The following PADI1 variants were observed in gnomAD, a reference collection of about 807,000 sequenced individuals.
PADI1 encodes protein-arginine deiminase type-1.
A neutral mutation model predicts 74.8 loss-of-function variants in PADI1; 65 were observed. The observed-to-expected ratio is 0.87, with a 90% CI of 0.71 to 1.07. PADI1 has a LOEUF of 1.07. Among genes scored for constraint, PADI1 ranks in the 50% least tolerant of loss-of-function variants. PADI1 has a pLI of 0.00. For missense variants in PADI1, 943 were observed against 854.0 expected, an observed-to-expected ratio of 1.10 and a Z score of -1.30; for synonymous variants, 371 against 336.2, an observed-to-expected ratio of 1.10 and a Z score of -1.13.
chr1:17,238,900 G>A (rs2072714742), intron 13 of PADI1, among the ~76,000 whole-genome samples, 191 bp downstream of exon 13: 1 of 152,198 alleles, frequency 6.6e-6, no homozygotes, highest in Non-Finnish European at 1.5e-5. Context: ...GAAAGGCACA[G>A]GAAGTCATGA....
chr1:17,234,152 C>G (rs865885627), intron 11 of PADI1, among the ~76,000 whole-genome samples: 5 of 152,292 alleles, frequency 3.3e-5, no homozygotes, highest in African/African-American at 1.2e-4. Flanking sequence ...TGGGATGAGT[C>G]CCCCAAACCA....
chr1:17,241,469 T>C (rs1281853595), intron 15 of PADI1, among the ~76,000 whole-genome samples: 1 of 151,544 alleles, frequency 6.6e-6, no homozygotes, highest in Non-Finnish European at 1.5e-5. Context: ...GAAGTGAATG[T>C]CGGAATCGGG....
At chr1:17,231,017 T>G (rs768489765) in intron 10 of PADI1, among the ~76,000 whole-genome samples, 4 of 152,126 alleles carry the variant, frequency 2.6e-5, no homozygotes, top group African/African-American at 9.7e-5. Context: ...TTGGAGAGAA[T>G]GCACCCTTAG....
At chr1:17,232,217 A>T (rs760700804) in intron 10 of PADI1, among the ~76,000 whole-genome samples, 2 of 151,830 alleles carry the variant, frequency 1.3e-5, no homozygotes, top group Non-Finnish European at 2.9e-5. Context: ...AAGTGCTGGG[A>T]TTACAGGTGT....
chr1:17,220,095 T>C (rs11589046), intron 1 of PADI1, among the ~76,000 whole-genome samples: 55,125 of 151,520 alleles, frequency 0.36, 10,514 homozygotes, highest in Middle Eastern at 0.48. Context: ...CCAAAAGTGC[T>C]GTGGAATGTG....
Position 17,232,985 on chromosome 1 carries a change from C to T in PADI1, c.1313+15C>T, listed in dbSNP as rs551773186. ...AGCTTCCCCAAGTGAGGGGCTGGGG[C>T]GGGAGGTGGGGAGGCACAAGGGAAT... is the stretch of plus-strand genomic sequence containing the variant. On this transcript the variant is annotated intron_variant, in intron 11 of 15. Transcript: ENST00000375471. 4.2e-5 allele frequency: 66 copies of T among 1,586,588 alleles called. No homozygotes were observed. The highest frequency in any genetic ancestry group is 2.4e-4 in the South Asian group (21 of 88,154).
At chr1:17,231,965 G>T (rs1203395718) in intron 10 of PADI1, among the ~76,000 whole-genome samples, 2 of 151,818 alleles carry the variant, frequency 1.3e-5, no homozygotes, top group Non-Finnish European at 2.9e-5. Context: ...TTGAGAAGGA[G>T]TCTCACACTG....
At chr1:17,211,458 C>T (rs939074935) in intron 1 of PADI1, among the ~76,000 whole-genome samples, 5 of 152,136 alleles carry the variant, frequency 3.3e-5, no homozygotes, top group African/African-American at 9.7e-5. Context: ...CATGCCCAGC[C>T]GGCAGCCCTG....
At chr1:17,218,911 T>A (rs2072055173) in intron 1 of PADI1, among the ~76,000 whole-genome samples, 1 of 151,692 alleles carries the variant, frequency 6.6e-6, no homozygotes, top group Non-Finnish European at 1.5e-5. Flanking sequence ...GGCTGGGAGA[T>A]GAGGTGGTGG....
chr1:17,241,512 C>T (rs1195425546), intron 15 of PADI1, among the ~76,000 whole-genome samples: 1 of 143,580 alleles, frequency 7.0e-6, no homozygotes, highest in Non-Finnish European at 1.5e-5. Context: ...AAGTCGGAAT[C>T]GGGATGGAAT....
rs770007404 is a variant in PADI1 at position 17,226,208 on chromosome 1, C to A, written c.652+50C>A. The A allele has an allele frequency of 3.2e-6, 5 of 1,585,480 alleles. No homozygotes were observed. The African/African-American group carries it at 6.8e-5, about 21-fold the overall frequency. On this transcript the variant is annotated intron_variant, in intron 6 of 15. Transcript: ENST00000375471. The stretch of plus-strand genomic sequence containing the variant: ...CCTCCCAGCTCCATCCATATCTATC[C>A]TCTCCTCCCCCATCTCTCTCTCTTT...
rs767101369 is a variant in PADI1 at position 17,230,215 on chromosome 1, G to C, written c.1053+7G>C. ...AAATGACCGCTGGATCCAGGTGGGA[G>C]CTGGGGGCAGCTCGGGAAGCCTGCA... On this transcript the variant is annotated splice_region_variant and intron_variant, in intron 9 of 15. Coordinates refer to ENST00000375471, the MANE Select transcript of PADI1 (RefSeq NM_013358.3). 1 of 1,612,258 alleles carries C rather than the reference G, an allele frequency of 6.2e-7. No homozygotes were observed. Among genetic ancestry groups the C allele is most frequent in the Non-Finnish European group, 8.5e-7 (1 of 1,179,080 alleles).
chr1:17,205,783 C>G (rs978033328), intron 1 of PADI1, among the ~76,000 whole-genome samples: 6 of 152,236 alleles, frequency 3.9e-5, no homozygotes, highest in East Asian at 1.9e-4. Flanking sequence ...TGATTCCAAT[C>G]AGGAGGGAGT....
chr1:17,244,028 G>A lies in PADI1; in HGVS notation c.1777G>A (p.Gly593Ser), dbSNP rs1400087035. Residue 593 changes from glycine (G) to serine (S), a missense_variant, in exon 16 of 16, where the codon GGC (glycine) becomes AGC (serine). Gly to Ser is a moderately conservative substitution (Grantham distance 56, BLOSUM62 0). Coordinates refer to ENST00000375471, the MANE Select transcript of PADI1 (RefSeq NM_013358.3). ...TTTGCAGGTTAACATGGTGGTCTTA[G>A]GCAAGTACCTGGGCATCCCCAAGCC... ...FPDMVNMVVLGKYLGIPKPYG... is the reference protein window; with the variant it reads ...FPDMVNMVVLSKYLGIPKPYG... 56 of 1,613,898 alleles carry A rather than the reference G, an allele frequency of 3.5e-5. No individual in the cohort carries two copies. Among genetic ancestry groups the A allele is most frequent in the Non-Finnish European group, 4.7e-5 (55 of 1,179,812 alleles).
At chr1:17,242,650 G>T (rs745664655) in intron 15 of PADI1, among the ~76,000 whole-genome samples, 1 of 152,166 alleles carries the variant, frequency 6.6e-6, no homozygotes, top group African/African-American at 2.4e-5. Context: ...TTCACTGGAG[G>T]GTCCCATAGG....
intron 1 of PADI1, among the ~76,000 whole-genome samples, chr1:17,217,608 G>A (rs2977285): frequency 0.38 from 57,527 of 152,124 alleles, 12,715 homozygotes; most frequent in African/African-American, 0.62. Context: ...AAAGGCAGTA[G>A]TACTGAAAAC....
chr1:17,220,821 G>C (rs960512480), intron 1 of PADI1, among the ~76,000 whole-genome samples: 4 of 152,214 alleles, frequency 2.6e-5, no homozygotes, highest in Admixed American at 2.6e-4. Context: ...CATAGTTCAC[G>C]CTTATGCAGG....
intron 14 of PADI1, 57 bp from the exon 15 acceptor site, chr1:17,240,578 C>A: frequency 1.3e-6 from 2 of 1,592,210 alleles, no homozygotes; most frequent in Non-Finnish European, 1.7e-6. Context: ...ACAGTAGGTG[C>A]TTGGCCAGTG....
Position 17,237,355 on chromosome 1 carries a change from T to TG in PADI1, c.1356dup (p.Lys453GlufsTer32). 6.2e-7 allele frequency: 1 copy of TG among 1,612,650 alleles called. No individual in the cohort carries two copies. The highest frequency in any genetic ancestry group is 8.5e-7 in the Non-Finnish European group (1 of 1,179,256). On this transcript the variant is annotated frameshift_variant, in exon 12 of 16. Coordinates refer to ENST00000375471, the MANE Select transcript of PADI1 (RefSeq NM_013358.3). LOFTEE classifies it high-confidence loss of function. ...ATGGCCAGGGCAGTGCGGAACTTCC[T>TG]GAAGGCACAGCAGGTGCAGGCACCC...
Sources: gnomAD v4.1 joint callset for allele counts (sites outside exome capture counted in the v4.1 genomes callset) on GRCh38, gnomAD v4.1.1 for gene constraint, MANE v1.5 for transcripts, NCBI Gene and HGNC (gene_info 2026-07-23, HGNC 2026-07-21) for gene names.